PRLR: variants seen among roughly 807,000 people sequenced by gnomAD.
The protein encoded by PRLR is hPRL receptor.
PRLR carries 13 observed loss-of-function variants against 40.2 expected under a neutral mutation model. The observed-to-expected ratio is 0.32, with a 90% confidence interval of 0.21 to 0.51. The LOEUF is 0.51. Among genes scored for constraint, PRLR ranks in the 20% least tolerant of loss-of-function variants. The probability of loss-of-function intolerance (pLI) is 0.97; values close to 1 mark genes in which losing one functional copy is unlikely to be tolerated. For missense variants in PRLR, 656 were observed against 747.3 expected (o/e 0.88, Z 1.42); for synonymous variants, 269 against 278.7 (o/e 0.97, Z 0.35).
Position 35,070,139 on chromosome 5 carries a change from T to C in PRLR, c.670A>G (p.Ile224Val), listed in dbSNP as rs1769652527. 1 of 1,610,892 alleles carries C rather than the reference T, an allele frequency of 6.2e-7. No homozygotes were observed. Among genetic ancestry groups the C allele is most frequent in the Admixed American group, 1.7e-5 (1 of 59,014 alleles). ...YWSAWSPATF[I>V]QIPSDFTMND... ...AGACGCTCACCACTAGGTATCTGAA[T>C]GAAGGTCGCTGGACTCCATGCACTC... Residue 224 changes from isoleucine (I) to valine (V), a missense_variant, in exon 7 of 10, where the codon ATT becomes GTT. Ile to Val is a conservative substitution (Grantham distance 29, BLOSUM62 3). Transcript: ENST00000618457.
At chr5:35,203,721 CAAAGTATTAATAAGAA>C in intron 1 of PRLR, among the ~76,000 whole-genome samples, 1 of 152,188 alleles carries the variant, frequency 6.6e-6, no homozygotes, top group African/African-American at 2.4e-5. Flanking sequence ...AGGAAAGAAG[CAAAGTATTAATAAGAA>C]TTATTTCTTG....
At chr5:35,168,139 T>A (rs1270348671) in intron 1 of PRLR, among the ~76,000 whole-genome samples, 1 of 151,958 alleles carries the variant, frequency 6.6e-6, no homozygotes, top group East Asian at 1.9e-4. Flanking sequence ...GTCATAATGA[T>A]AAAAGGGTCA....
intron 1 of PRLR, among the ~76,000 whole-genome samples, chr5:35,137,455 C>T (rs1773894724): frequency 6.6e-6 from 1 of 152,210 alleles, no homozygotes; most frequent in African/African-American, 2.4e-5. Flanking sequence ...GCCTCCTGTC[C>T]TTTGTGGACA....
intron 1 of PRLR, among the ~76,000 whole-genome samples, chr5:35,124,429 G>C (rs1335563916): frequency 6.6e-6 from 1 of 152,104 alleles, no homozygotes; most frequent in Admixed American, 6.6e-5. Flanking sequence ...TTGGATCAGG[G>C]CTACAAGACC....
intron 1 of PRLR, among the ~76,000 whole-genome samples, chr5:35,136,186 C>A (rs1007950118): frequency 6.6e-6 from 1 of 152,162 alleles, no homozygotes; most frequent in Non-Finnish European, 1.5e-5. Context: ...TACACAATAA[C>A]AGAATTGTGC....
rs534965844 is a variant in PRLR, at chr5:35,185,053, T to C, written c.-106+45215A>G. On this transcript the variant is annotated intron_variant, in intron 1 of 9. Coordinates refer to ENST00000618457, the MANE Select transcript of PRLR (RefSeq NM_000949.7). ...GGAAGGACTTTAGAAAAACAACTTG[T>C]AGGACATTGTGAAGCATCCTTTAGC... Among the ~76,000 whole-genome samples the C allele has an allele frequency of 5.3e-5, 8 of 152,354 alleles. No homozygotes were observed. In the South Asian group the frequency reaches 1.7e-3, roughly 32 times the overall value.
chr5:35,112,533 A>G (rs1772725595), intron 2 of PRLR, among the ~76,000 whole-genome samples: 1 of 152,094 alleles, frequency 6.6e-6, no homozygotes, highest in African/African-American at 2.4e-5. Flanking sequence ...AGGATGTGGA[A>G]ATTCAAAGGC....
chr5:35,128,622 C>G (rs556414211), intron 1 of PRLR, among the ~76,000 whole-genome samples: 1 of 152,022 alleles, frequency 6.6e-6, no homozygotes, highest in South Asian at 2.1e-4. Flanking sequence ...CTTTGTGGAA[C>G]ATAAAGTATA....
intron 2 of PRLR, among the ~76,000 whole-genome samples, chr5:35,096,042 A>C (rs760156324): frequency 6.6e-6 from 1 of 152,212 alleles, no homozygotes; most frequent in South Asian, 2.1e-4. Flanking sequence ...TGATGGCTGC[A>C]TTTGGTGAGA....
At chr5:35,079,762 G>A (rs903749856) in intron 5 of PRLR, among the ~76,000 whole-genome samples, 7 of 152,310 alleles carry the variant, frequency 4.6e-5, no homozygotes, top group Non-Finnish European at 8.8e-5. Flanking sequence ...AAAGCTGGAG[G>A]CGTCACACTA....
chr5:35,070,764 A>T (rs1769695552), intron 6 of PRLR, among the ~76,000 whole-genome samples: 1 of 149,438 alleles, frequency 6.7e-6, no homozygotes, highest in Admixed American at 6.8e-5. Context: ...AATCGCTTGA[A>T]CCTGGGAGGC....
At chr5:35,080,851 C>T (rs1305975986) in intron 5 of PRLR, among the ~76,000 whole-genome samples, 1 of 151,926 alleles carries the variant, frequency 6.6e-6, no homozygotes, top group African/African-American at 2.4e-5. Context: ...CCATGGAATA[C>T]TATGCAGCCA....
chr5:35,186,392 C>T (rs1480844932), intron 1 of PRLR, among the ~76,000 whole-genome samples: 1 of 152,230 alleles, frequency 6.6e-6, no homozygotes, highest in Admixed American at 6.5e-5. Flanking sequence ...ATGACGCTGA[C>T]TGATGTTCAT....
intron 1 of PRLR, among the ~76,000 whole-genome samples, chr5:35,180,231 T>C (rs1467665974): frequency 6.6e-6 from 1 of 152,136 alleles, no homozygotes; most frequent in Non-Finnish European, 1.5e-5. Flanking sequence ...AATGAAACTT[T>C]GCTTGCTTGC....
intron 2 of PRLR, among the ~76,000 whole-genome samples, chr5:35,099,897 C>T (rs1376458893): frequency 6.6e-6 from 1 of 152,076 alleles, no homozygotes; most frequent in African/African-American, 2.4e-5. Context: ...ATAGTCAAGG[C>T]CAGGCACGGT....
chr5:35,121,059 C>G (rs1773273809), intron 1 of PRLR, among the ~76,000 whole-genome samples: 1 of 152,112 alleles, frequency 6.6e-6, no homozygotes, highest in Non-Finnish European at 1.5e-5. Context: ...TGAATTTATT[C>G]TAGAGGTGCC....
intron 2 of PRLR, among the ~76,000 whole-genome samples, chr5:35,117,545 C>T (rs964131124): frequency 1.3e-5 from 2 of 152,188 alleles, no homozygotes; most frequent in Non-Finnish European, 2.9e-5. Context: ...CTAGGGTTTC[C>T]TTGCCACTGG....
chr5:35,199,625 G>A (rs537785936), intron 1 of PRLR, among the ~76,000 whole-genome samples: 1 of 151,974 alleles, frequency 6.6e-6, no homozygotes, highest in Admixed American at 6.5e-5. Flanking sequence ...CCCTTAAGTT[G>A]TACCTTTTAT....
intron 1 of PRLR, among the ~76,000 whole-genome samples, chr5:35,148,590 C>T (rs1774252296): frequency 6.6e-6 from 1 of 152,114 alleles, no homozygotes. Context: ...GATTTTTCAT[C>T]TGTAAGAGAA....
Sources: gnomAD v4.1 joint callset for allele counts (sites outside exome capture counted in the v4.1 genomes callset) on GRCh38, gnomAD v4.1.1 for gene constraint, MANE v1.5 for transcripts, NCBI Gene and HGNC (gene_info 2026-07-23, HGNC 2026-07-21) for gene names.